Variants in PRLR observed in about 807,000 individuals in gnomAD.
PRLR encodes the protein hPRL receptor.
In PRLR, 13 loss-of-function variants were observed where a neutral mutation model predicts 40.2. The ratio of observed to expected loss-of-function variants is 0.32; its 90% CI spans 0.21 to 0.51. The LOEUF is 0.51. Ranked by LOEUF, PRLR falls within the 20% of genes least tolerant of loss-of-function variation. The probability of loss-of-function intolerance (pLI) is 0.97; values close to 1 mark genes in which losing one functional copy is unlikely to be tolerated. For synonymous variants in PRLR, 269 were observed against 278.7 expected (o/e 0.97, Z 0.35); for missense variants, 656 against 747.3 (o/e 0.88, Z 1.42).
At chr5:35,214,436 GT>G (rs1776238860) in intron 1 of PRLR, among the ~76,000 whole-genome samples, 1 of 152,218 alleles carries the variant, frequency 6.6e-6, no homozygotes, top group African/African-American at 2.4e-5. Context: ...ATACAAAGCA[GT>G]GCCACAGGAA....
At chr5:35,085,745 T>C (rs1006883281) in intron 4 of PRLR, among the ~76,000 whole-genome samples, 4 of 152,232 alleles carry the variant, frequency 2.6e-5, no homozygotes, top group Non-Finnish European at 5.9e-5. Context: ...ATAAGAATTA[T>C]AGATGAGCAT....
At position 35,070,218 on chromosome 5, in the gene PRLR, A is replaced by G. The variant is rs1281799464; in HGVS notation, c.591T>C (p.His197=). Residue 197 remains histidine, a synonymous_variant, in exon 7 of 10, where the codon CAT becomes CAC. Transcript: ENST00000618457. ...QQTEFKILSL[H]PGQKYLVQVR... is the part of the protein sequence containing the mutation. ...CCTGGACAAGGTATTTCTGTCCTGGATGTAGGCTGAGAATCTTAAACTCTG... is the reference window on the plus strand; with the variant it reads ...CCTGGACAAGGTATTTCTGTCCTGGGTGTAGGCTGAGAATCTTAAACTCTG... The G allele has an allele frequency of 6.2e-7, 1 of 1,614,054 alleles. No homozygotes were observed. Among genetic ancestry groups the G allele is most frequent in the Non-Finnish European group, 8.5e-7 (1 of 1,180,018 alleles).
chr5:35,146,771 C>T (rs1774192676), intron 1 of PRLR, among the ~76,000 whole-genome samples: 1 of 152,168 alleles, frequency 6.6e-6, no homozygotes, highest in Non-Finnish European at 1.5e-5. Flanking sequence ...AGCTTAATTA[C>T]CCAGGCAATC....
intron 1 of PRLR, among the ~76,000 whole-genome samples, chr5:35,151,681 T>G (rs1425478299): frequency 6.6e-6 from 1 of 152,184 alleles, no homozygotes; most frequent in East Asian, 1.9e-4. Context: ...CCAAGGCTCC[T>G]GAGAGGGTTC....
intron 1 of PRLR, among the ~76,000 whole-genome samples, chr5:35,142,696 A>G (rs1444398251): frequency 6.6e-6 from 1 of 152,250 alleles, no homozygotes; most frequent in Non-Finnish European, 1.5e-5. Flanking sequence ...ATGGTGCACG[A>G]TGCTTCTTCC....
At chr5:35,205,576 T>G (rs1775995266) in intron 1 of PRLR, among the ~76,000 whole-genome samples, 1 of 152,064 alleles carries the variant, frequency 6.6e-6, no homozygotes, top group Non-Finnish European at 1.5e-5. Flanking sequence ...AACAATGAAA[T>G]TGGATGTTAG....
chr5:35,146,828 A>G (rs1774194495), intron 1 of PRLR, among the ~76,000 whole-genome samples: 1 of 152,190 alleles, frequency 6.6e-6, no homozygotes, highest in African/African-American at 2.4e-5. Flanking sequence ...TTAGCCCTCT[A>G]AACCTTTTTG....
intron 1 of PRLR, among the ~76,000 whole-genome samples, chr5:35,224,398 C>T (rs1001248280): frequency 3.9e-5 from 6 of 152,118 alleles, no homozygotes; most frequent in Non-Finnish European, 7.4e-5. Context: ...CTCTCTGGAA[C>T]CTATACAGAC....
chr5:35,086,178 G>A, intron 4 of PRLR, 30 bp downstream of exon 4: 2 of 1,612,356 alleles, frequency 1.2e-6, no homozygotes, highest in Non-Finnish European at 1.7e-6. Flanking sequence ...ACTCATGTGG[G>A]GTTTCATAGG....
chr5:35,222,703 G>A (rs1776453847), intron 1 of PRLR, among the ~76,000 whole-genome samples: 1 of 152,178 alleles, frequency 6.6e-6, no homozygotes, highest in Non-Finnish European at 1.5e-5. Context: ...CAACAGGAGA[G>A]TGGGTAGACT....
chr5:35,186,690 G>C (rs933366528), intron 1 of PRLR, among the ~76,000 whole-genome samples: 4 of 152,156 alleles, frequency 2.6e-5, no homozygotes, highest in African/African-American at 7.2e-5. Flanking sequence ...TTGTGGAGCA[G>C]AGGCAGCTAC....
In PRLR at chr5:35,167,178, T is replaced by TATC. The variant is rs1554053524; in HGVS notation, c.-105-49059_-105-49057dup. 1.6e-3 allele frequency among the ~76,000 whole-genome samples: 238 copies of TATC among 150,088 alleles called. 2 individuals carry two copies. The highest frequency in any genetic ancestry group is 5.6e-3 in the African/African-American group (229 of 41,220). On this transcript the variant is annotated intron_variant, in intron 1 of 9. Transcript: ENST00000618457. ...CTATCTATCTATCTATCTATCTATC[T>TATC]ATCTATCTATCATCTAACTCTTTAA...
At chr5:35,085,326 G>A (rs767876084) in intron 4 of PRLR, among the ~76,000 whole-genome samples, 2 of 152,138 alleles carry the variant, frequency 1.3e-5, no homozygotes, top group Non-Finnish European at 2.9e-5. Flanking sequence ...GATTTCAGCC[G>A]GGATGACAGT....
chr5:35,079,009 C>G (rs936679154), intron 5 of PRLR, among the ~76,000 whole-genome samples: 12 of 152,094 alleles, frequency 7.9e-5, no homozygotes, highest in African/African-American at 2.7e-4. Flanking sequence ...AATTCAACAG[C>G]CTTCATGCTA....
intron 1 of PRLR, among the ~76,000 whole-genome samples, chr5:35,229,999 T>G (rs553847362): frequency 9.0e-4 from 137 of 152,180 alleles, no homozygotes; most frequent in Non-Finnish European, 1.3e-3. Flanking sequence ...AAAGCTGGGG[T>G]TGGGGGCAGT....
At chr5:35,118,698 T>C (rs901706987) in intron 1 of PRLR, among the ~76,000 whole-genome samples, 5 of 152,074 alleles carry the variant, frequency 3.3e-5, no homozygotes, top group African/African-American at 7.2e-5. Flanking sequence ...ATAGATGAAC[T>C]GGAATTCTGG....
chr5:35,149,307 A>G (rs569245207), intron 1 of PRLR, among the ~76,000 whole-genome samples: 207 of 152,230 alleles, frequency 1.4e-3, no homozygotes, highest in South Asian at 6.8e-3. Context: ...GACTCAGCCA[A>G]ATGTGGTACT....
chr5:35,192,565 C>T (rs1775636080), intron 1 of PRLR, among the ~76,000 whole-genome samples: 1 of 152,176 alleles, frequency 6.6e-6, no homozygotes, highest in Admixed American at 6.5e-5. Flanking sequence ...GAGTCACATT[C>T]CCAGACAGAG....
At chr5:35,149,048 G>A (rs1021244998) in intron 1 of PRLR, among the ~76,000 whole-genome samples, 17 of 152,094 alleles carry the variant, frequency 1.1e-4, no homozygotes, top group Admixed American at 7.9e-4. Context: ...GAGAAATACA[G>A]CTTTAGGCTG....
Sources: gnomAD v4.1 joint callset for allele counts (sites outside exome capture counted in the v4.1 genomes callset) on GRCh38, gnomAD v4.1.1 for gene constraint, MANE v1.5 for transcripts, NCBI Gene and HGNC (gene_info 2026-07-23, HGNC 2026-07-21) for gene names.